The following CSNK2A2IP variants were observed in gnomAD, a reference collection of about 807,000 sequenced individuals.
CSNK2A2IP encodes the protein casein kinase II subunit alpha'-interacting protein.
the CSNK2A2IP span, among the ~76,000 whole-genome samples, chr3:88,359,325 A>G: frequency 6.8e-6 from 1 of 147,440 alleles, no homozygotes; most frequent in South Asian, 2.3e-4. Context: ...TCAAAAAACA[A>G]AATTCATTGG....
At chr3:88,412,976 G>T in the CSNK2A2IP span, among the ~76,000 whole-genome samples, 2 of 152,024 alleles carry the variant, frequency 1.3e-5, no homozygotes, top group Non-Finnish European at 1.5e-5. Flanking sequence ...ATGATATGGT[G>T]CAAGGGTTAA....
chr3:88,404,117 A>T, the CSNK2A2IP span, among the ~76,000 whole-genome samples: 1 of 152,038 alleles, frequency 6.6e-6, no homozygotes, highest in Non-Finnish European at 1.5e-5. Context: ...AAAAAAAAAA[A>T]GTTGAAGGAG....
At chr3:88,464,828 C>T in the CSNK2A2IP span, among the ~76,000 whole-genome samples, 179 of 152,154 alleles carry the variant, frequency 1.2e-3, 2 homozygotes, top group Non-Finnish European at 2.5e-4. Flanking sequence ...TATCTTGGCA[C>T]TGTTAGAATA....
chr3:88,402,232 T>A, the CSNK2A2IP span, among the ~76,000 whole-genome samples: 1 of 152,096 alleles, frequency 6.6e-6, no homozygotes. Flanking sequence ...TGATTTTATG[T>A]TCACCAAAAC....
the CSNK2A2IP span, among the ~76,000 whole-genome samples, chr3:88,446,442 A>G: frequency 6.6e-6 from 1 of 152,092 alleles, no homozygotes; most frequent in African/African-American, 2.4e-5. Flanking sequence ...CCTCAGGGTA[A>G]GCTCTACATT....
At chr3:88,451,467 A>C in the CSNK2A2IP span, among the ~76,000 whole-genome samples, 1 of 151,836 alleles carries the variant, frequency 6.6e-6, no homozygotes, top group Non-Finnish European at 1.5e-5. Flanking sequence ...GTTCATTATA[A>C]ATTTTAAATA....
At chr3:88,418,564 C>G in the CSNK2A2IP span, among the ~76,000 whole-genome samples, 15 of 151,978 alleles carry the variant, frequency 9.9e-5, no homozygotes, top group Non-Finnish European at 1.9e-4. Context: ...TTACAATTAG[C>G]CTTAGCCATT....
chr3:88,427,160 G>A, the CSNK2A2IP span, among the ~76,000 whole-genome samples: 7 of 152,064 alleles, frequency 4.6e-5, no homozygotes, highest in African/African-American at 1.5e-4. Context: ...GGTGGTCTCA[G>A]ATGGAGATGA....
the CSNK2A2IP span, among the ~76,000 whole-genome samples, chr3:88,452,968 A>G: frequency 6.6e-6 from 1 of 152,130 alleles, no homozygotes; most frequent in African/African-American, 2.4e-5. Context: ...TGGAGAAGGT[A>G]GTCTTAAAGT....
At chr3:88,441,177 T>C in the CSNK2A2IP span, among the ~76,000 whole-genome samples, 121 of 152,310 alleles carry the variant, frequency 7.9e-4, 1 homozygote, top group Non-Finnish European at 2.9e-4. Context: ...CAGAAAGGTA[T>C]AAACCTGTTT....
At chr3:88,401,727 A>G in the CSNK2A2IP span, among the ~76,000 whole-genome samples, 56 of 152,220 alleles carry the variant, frequency 3.7e-4, no homozygotes, top group East Asian at 7.5e-3. Flanking sequence ...AATCTTTGCC[A>G]TGTCTTAAGT....
the CSNK2A2IP span, among the ~76,000 whole-genome samples, chr3:88,449,820 GACACAC>G: frequency 1.6e-3 from 77 of 47,142 alleles, 1 homozygote; most frequent in African/African-American, 4.5e-3. Context: ...TTTATATCGA[GACACAC>G]ACACACACAC....
the CSNK2A2IP span, among the ~76,000 whole-genome samples, chr3:88,379,580 A>T: frequency 6.6e-6 from 1 of 151,972 alleles, no homozygotes; most frequent in Non-Finnish European, 1.5e-5. Context: ...GTCTTCTTCA[A>T]CTCCACCCTC....
chr3:88,358,357 T>A, the CSNK2A2IP span, among the ~76,000 whole-genome samples: 4 of 152,194 alleles, frequency 2.6e-5, no homozygotes, highest in Non-Finnish European at 4.4e-5. Context: ...CGGCTAAGAC[T>A]TCCAATACTA....
chr3:88,445,949 TCTC>T, the CSNK2A2IP span, among the ~76,000 whole-genome samples: 2 of 106,950 alleles, frequency 1.9e-5, no homozygotes, highest in Admixed American at 1.7e-4. Context: ...TTTCTTTCTC[TCTC>T]TCTCTCTCCC....
the CSNK2A2IP span, among the ~76,000 whole-genome samples, chr3:88,458,055 G>A: frequency 1.4e-5 from 2 of 147,824 alleles, no homozygotes; most frequent in African/African-American, 5.0e-5. Flanking sequence ...TATTCTTCAG[G>A]TTTTTTTGGT....
chr3:88,373,381 A>AATG, the CSNK2A2IP span, among the ~76,000 whole-genome samples: 1 of 151,524 alleles, frequency 6.6e-6, no homozygotes, highest in Non-Finnish European at 1.5e-5. Context: ...AAAAATAATC[A>AATG]ATGGATTAAA....
chr3:88,368,701 G>A, the CSNK2A2IP span, among the ~76,000 whole-genome samples: 6 of 151,938 alleles, frequency 3.9e-5, no homozygotes, highest in Non-Finnish European at 7.4e-5. Context: ...CCCATGATTC[G>A]GAATCCAGAG....
the CSNK2A2IP span, among the ~76,000 whole-genome samples, chr3:88,356,976 T>A: frequency 7.3e-6 from 1 of 137,140 alleles, no homozygotes; most frequent in Non-Finnish European, 1.7e-5. Flanking sequence ...ACTTTTCTAG[T>A]GTGTTGTTTG....
Sources: gnomAD v4.1 joint callset for allele counts (sites outside exome capture counted in the v4.1 genomes callset) on GRCh38, gnomAD v4.1.1 for gene constraint, MANE v1.5 for transcripts, NCBI Gene and HGNC (gene_info 2026-07-23, HGNC 2026-07-21) for gene names.